CSMD1: variants seen among roughly 807,000 people sequenced by gnomAD.
CSMD1 encodes the protein CUB and Sushi multiple domains 1.
CSMD1 carries 213 observed loss-of-function variants against 417.5 expected under a neutral mutation model. That is an observed-to-expected ratio of 0.51 (90% CI 0.46 to 0.57). The LOEUF is 0.57. CSMD1 is among the 20% of genes least tolerant of loss of function. The probability of loss-of-function intolerance (pLI) is 0.00; values close to 1 mark genes in which losing one functional copy is unlikely to be tolerated. For synonymous variants in CSMD1, 2,862 were observed against 1,736.8 expected (o/e 1.65, Z -16.11); for missense variants, 6,923 against 4,529.7 (o/e 1.53, Z -15.17).
chr8:4,461,067 C>G (rs1469617385), intron 2 of CSMD1, among the ~76,000 whole-genome samples: 3 of 152,024 alleles, frequency 2.0e-5, no homozygotes, highest in Non-Finnish European at 2.9e-5. Context: ...ATACTGTGTC[C>G]AAGTGCTATT....
intron 3 of CSMD1, among the ~76,000 whole-genome samples, chr8:4,313,565 G>T (rs560393295): frequency 7.3e-5 from 11 of 151,462 alleles, no homozygotes; most frequent in African/African-American, 2.7e-4. Flanking sequence ...TGTTATGGGA[G>T]GGAAAGAAGA....
At chr8:3,126,176 A>T (rs1231720905) in intron 41 of CSMD1, among the ~76,000 whole-genome samples, 2 of 152,184 alleles carry the variant, frequency 1.3e-5, no homozygotes, top group Admixed American at 1.3e-4. Flanking sequence ...TCATGAAAGG[A>T]GACTAAATAT....
intron 1 of CSMD1, among the ~76,000 whole-genome samples, chr8:4,888,164 G>A (rs986621040): frequency 6.6e-6 from 1 of 151,590 alleles, no homozygotes; most frequent in East Asian, 1.9e-4. Flanking sequence ...TGAATAAATT[G>A]ATACATTGGT....
intron 20 of CSMD1, among the ~76,000 whole-genome samples, chr8:3,366,217 T>C (rs562806610): frequency 6.6e-6 from 1 of 152,268 alleles, no homozygotes; most frequent in Admixed American, 6.5e-5. Context: ...GCAGCTGTAG[T>C]GCAGCAGGGC....
At chr8:4,582,830 A>G (rs2130702862) in intron 2 of CSMD1, among the ~76,000 whole-genome samples, 1 of 152,210 alleles carries the variant, frequency 6.6e-6, no homozygotes, top group East Asian at 1.9e-4. Context: ...GTGTGGAGGG[A>G]GAGGCGCGAG....
intron 3 of CSMD1, among the ~76,000 whole-genome samples, chr8:4,334,493 G>T (rs1800050242): frequency 6.6e-6 from 1 of 152,056 alleles, no homozygotes; most frequent in Admixed American, 6.6e-5. Context: ...ATCGATTTTT[G>T]ACTTACCAGT....
At chr8:4,239,730 G>A (rs1416438930) in intron 3 of CSMD1, among the ~76,000 whole-genome samples, 1 of 152,188 alleles carries the variant, frequency 6.6e-6, no homozygotes, top group Non-Finnish European at 1.5e-5. Context: ...CTTTATTGTG[G>A]AAAGGTGGGT....
rs547491087 is a variant in CSMD1 at position 4,343,214 on chromosome 8, C to G, written c.415+76739G>C. Reference sequence around the variant, plus strand: ...TTGCTTTGTTAGAGCATAAAAAGCACATATGATAATCAAATACAAAGACAC... The same window carrying G: ...TTGCTTTGTTAGAGCATAAAAAGCAGATATGATAATCAAATACAAAGACAC... On this transcript the variant is annotated intron_variant, in intron 3 of 69. Transcript: ENST00000635120. Among the ~76,000 whole-genome samples the G allele has an allele frequency of 7.2e-5, 11 of 152,160 alleles. 1 individual carries two copies. The highest frequency in any genetic ancestry group is 2.6e-4 in the African/African-American group (11 of 41,524).
intron 3 of CSMD1, among the ~76,000 whole-genome samples, chr8:4,080,444 G>A (rs1487625860): frequency 1.3e-5 from 2 of 152,150 alleles, no homozygotes; most frequent in Non-Finnish European, 2.9e-5. Flanking sequence ...CATTATCCAT[G>A]TGTTACATAT....
chr8:4,900,370 C>A (rs1212633658), intron 1 of CSMD1, among the ~76,000 whole-genome samples: 1 of 152,172 alleles, frequency 6.6e-6, no homozygotes, highest in Non-Finnish European at 1.5e-5. Context: ...GTTGGAGCAA[C>A]CCTTGACGAA....
chr8:2,979,560 G>A (rs1371972570), intron 54 of CSMD1, among the ~76,000 whole-genome samples: 1 of 152,196 alleles, frequency 6.6e-6, no homozygotes, highest in African/African-American at 2.4e-5. Flanking sequence ...CTGTTCCAGA[G>A]GCCACAGTCT....
chr8:4,987,393 CTT>C (rs2117461698), intron 1 of CSMD1, among the ~76,000 whole-genome samples: 1 of 152,298 alleles, frequency 6.6e-6, no homozygotes, highest in South Asian at 2.1e-4. Context: ...TGCTGCAACA[CTT>C]TAGGAAAACG....
chr8:3,991,966 TG>T lies in CSMD1; in HGVS notation c.818+5936del, dbSNP rs761529654. On this transcript the variant is annotated intron_variant, in intron 5 of 69. Transcript: ENST00000635120. ...TAACAAACACTCGGTGATTATTAAA[TG>T]TTTTTTTACAAAAAAAATACACTAT... 5.8e-4 allele frequency among the ~76,000 whole-genome samples: 87 copies of T among 151,130 alleles called. 1 individual carries two copies. Among genetic ancestry groups the T allele is most frequent in the Admixed American group, 9.3e-4 (14 of 15,010 alleles).
At chr8:4,332,833 G>C (rs117186784) in intron 3 of CSMD1, among the ~76,000 whole-genome samples, 1 of 150,708 alleles carries the variant, frequency 6.6e-6, no homozygotes, top group Non-Finnish European at 1.5e-5. Flanking sequence ...ACTTTATTTA[G>C]CTGATGAAAT....
intron 6 of CSMD1, among the ~76,000 whole-genome samples, chr8:3,734,280 C>T (rs535696483): frequency 6.6e-6 from 1 of 152,298 alleles, no homozygotes; most frequent in East Asian, 1.9e-4. Context: ...CCAGTGTCTC[C>T]CTAGTGCTTC....
intron 50 of CSMD1, among the ~76,000 whole-genome samples, chr8:3,038,460 C>T (rs1810843755): frequency 6.6e-6 from 1 of 152,188 alleles, no homozygotes; most frequent in Non-Finnish European, 1.5e-5. Flanking sequence ...AAAAGCAATA[C>T]ACAGCATTTA....
intron 2 of CSMD1, among the ~76,000 whole-genome samples, chr8:4,444,580 G>A (rs777471355): frequency 2.0e-5 from 3 of 151,972 alleles, no homozygotes; most frequent in Non-Finnish European, 2.9e-5. Context: ...AGCAGCTCCA[G>A]AACATGAAAT....
At chr8:3,921,636 T>C (rs1448222327) in intron 5 of CSMD1, among the ~76,000 whole-genome samples, 2 of 152,198 alleles carry the variant, frequency 1.3e-5, no homozygotes, top group African/African-American at 4.8e-5. Context: ...TTTTGATTTC[T>C]TCCTTCCCCC....
chr8:3,431,243 A>G (rs1459314617), intron 12 of CSMD1, among the ~76,000 whole-genome samples: 1 of 152,028 alleles, frequency 6.6e-6, no homozygotes, highest in Non-Finnish European at 1.5e-5. Flanking sequence ...GAAACTCCCC[A>G]TCCCTCACCT....
Sources: gnomAD v4.1 joint callset for allele counts (sites outside exome capture counted in the v4.1 genomes callset) on GRCh38, gnomAD v4.1.1 for gene constraint, MANE v1.5 for transcripts, NCBI Gene and HGNC (gene_info 2026-07-23, HGNC 2026-07-21) for gene names.